The following RBFOX1 variants were observed in gnomAD, a reference collection of about 807,000 sequenced individuals.
RBFOX1 encodes RNA binding fox-1 homolog 1, also known as RNA binding protein fox-1 homolog 1.
Under a neutral mutation model 57.7 loss-of-function variants are expected in RBFOX1, and 8 were observed. The observed-to-expected ratio is 0.14, with a 90% CI of 0.08 to 0.25. The LOEUF (loss-of-function observed/expected upper bound fraction) is 0.25, where lower values mean the gene tolerates loss of function less well. Among genes scored for constraint, RBFOX1 ranks in the 10% least tolerant of loss-of-function variants. RBFOX1 has a pLI of 1.00. For synonymous variants in RBFOX1, 326 were observed against 222.4 expected (o/e 1.47, Z -4.15); for missense variants, 611 against 548.5 (o/e 1.11, Z -1.14).
chr16:7,439,105 G>T (rs1373260809), intron 4 of RBFOX1, among the ~76,000 whole-genome samples: 1 of 152,188 alleles, frequency 6.6e-6, no homozygotes, highest in Non-Finnish European at 1.5e-5. Flanking sequence ...GAGGAGCATG[G>T]TCCTCGCGCT....
chr16:7,282,952 G>T (rs2095576360), intron 4 of RBFOX1, among the ~76,000 whole-genome samples: 1 of 152,164 alleles, frequency 6.6e-6, no homozygotes, highest in Non-Finnish European at 1.5e-5. Flanking sequence ...ATGTGTGTGT[G>T]TTTGTGTATC....
intron 4 of RBFOX1, among the ~76,000 whole-genome samples, chr16:7,233,214 C>G (rs867659524): frequency 4.2e-5 from 6 of 144,538 alleles, no homozygotes; most frequent in South Asian, 4.4e-4. Flanking sequence ...TAAACTCATC[C>G]TTTTTTTTTT....
intron 4 of RBFOX1, among the ~76,000 whole-genome samples, chr16:7,478,616 C>G (rs2063222471): frequency 6.6e-6 from 1 of 152,130 alleles, no homozygotes; most frequent in African/African-American, 2.4e-5. Context: ...GGATTGGTCA[C>G]CATTATAAAT....
chr16:6,457,438 T>TTCCCCCCCCCCC (rs757540836), intron 2 of RBFOX1, among the ~76,000 whole-genome samples: 4 of 54,222 alleles, frequency 7.4e-5, no homozygotes, highest in Non-Finnish European at 1.5e-4. Flanking sequence ...TTTCCGGAAG[T>TTCCCCCCCCCCC]CCCCCCCCCC....
At chr16:6,174,966 C>T (rs1371059320) in intron 1 of RBFOX1, among the ~76,000 whole-genome samples, 3 of 152,190 alleles carry the variant, frequency 2.0e-5, no homozygotes, top group African/African-American at 7.2e-5. Flanking sequence ...TGCTCACTAG[C>T]TGTGTGACCT....
intron 1 of RBFOX1, among the ~76,000 whole-genome samples, chr16:6,193,121 A>G (rs146315818): frequency 9.9e-5 from 15 of 151,850 alleles, no homozygotes; most frequent in Non-Finnish European, 2.1e-4. Flanking sequence ...AGTGATTTCA[A>G]TGCAAATGAA....
chr16:7,053,217 A>T (rs17644591), intron 4 of RBFOX1, among the ~76,000 whole-genome samples: 1 of 152,028 alleles, frequency 6.6e-6, no homozygotes, highest in Admixed American at 6.5e-5. Context: ...GGTGCATGAA[A>T]CCGAGAAAGT....
At chr16:7,514,370 C>G (rs1038309162) in intron 4 of RBFOX1, among the ~76,000 whole-genome samples, 1 of 152,304 alleles carries the variant, frequency 6.6e-6, no homozygotes, top group African/African-American at 2.4e-5. Context: ...GGTCATTTTT[C>G]CAGCACATAT....
At chr16:5,580,253 C>T (rs754718494) in intron 2 of RBFOX1, among the ~76,000 whole-genome samples, 1 of 152,226 alleles carries the variant, frequency 6.6e-6, no homozygotes, top group African/African-American at 2.4e-5. Flanking sequence ...TGAGGGCAGC[C>T]TGGCTCTTCT....
At chr16:5,934,332 A>G (rs1006009568) in intron 4 of RBFOX1, among the ~76,000 whole-genome samples, 2 of 152,210 alleles carry the variant, frequency 1.3e-5, no homozygotes, top group Admixed American at 6.5e-5. Flanking sequence ...CATTGTGTTT[A>G]TTATATCTAT....
At chr16:6,986,768 C>T (rs966197211) in intron 3 of RBFOX1, among the ~76,000 whole-genome samples, 3 of 152,212 alleles carry the variant, frequency 2.0e-5, no homozygotes, top group Non-Finnish European at 4.4e-5. Flanking sequence ...ATGCCAGTTG[C>T]CTCCTCCACT....
rs1021511650 is a variant in RBFOX1 at position 7,712,098 on chromosome 16, G to C, written c.*1353G>C. On this transcript the variant is annotated 3_prime_UTR_variant, in exon 16 of 16. Coordinates refer to ENST00000550418, the MANE Select transcript of RBFOX1 (RefSeq NM_018723.4). ...AGTCTCCCCACCTTTCTCGGATGCA[G>C]GGCCAGAGTGACACAGCCGAAAAAT... 6 of 152,630 alleles carry C rather than the reference G, an allele frequency of 3.9e-5. No individual in the cohort carries two copies. Among genetic ancestry groups the C allele is most frequent in the African/African-American group, 1.4e-4 (6 of 41,464 alleles). 9.5% of individuals were successfully genotyped at this position (152,630 alleles called of 1,614,324 possible).
At chr16:6,610,791 C>T (rs979119500) in intron 2 of RBFOX1, among the ~76,000 whole-genome samples, 1 of 152,200 alleles carries the variant, frequency 6.6e-6, no homozygotes, top group African/African-American at 2.4e-5. Context: ...ACTTTCACAT[C>T]CCCTGCTTTG....
chr16:7,066,675 G>A (rs1393751711), intron 4 of RBFOX1, among the ~76,000 whole-genome samples: 1 of 152,174 alleles, frequency 6.6e-6, no homozygotes, highest in Non-Finnish European at 1.5e-5. Context: ...AAATCTATGT[G>A]TTCTAATTTA....
chr16:7,186,869 C>G (rs1198464466), intron 4 of RBFOX1, among the ~76,000 whole-genome samples: 1 of 151,114 alleles, frequency 6.6e-6, no homozygotes, highest in Non-Finnish European at 1.5e-5. Context: ...TAAAATATAG[C>G]TCTCTAGGCC....
intron 3 of RBFOX1, among the ~76,000 whole-genome samples, chr16:6,810,799 G>A (rs890935075): frequency 7.2e-5 from 11 of 152,122 alleles, no homozygotes; most frequent in Non-Finnish European, 1.5e-5. Flanking sequence ...GATCTCGCCA[G>A]AAGTCACTCA....
At chr16:7,450,555 C>T (rs921843125) in intron 4 of RBFOX1, among the ~76,000 whole-genome samples, 1 of 152,078 alleles carries the variant, frequency 6.6e-6, no homozygotes, top group African/African-American at 2.4e-5. Flanking sequence ...TACTATGGCC[C>T]AGGGATGCTG....
At chr16:6,660,820 T>C (rs1195621880) in intron 3 of RBFOX1, among the ~76,000 whole-genome samples, 2 of 152,172 alleles carry the variant, frequency 1.3e-5, no homozygotes, top group Non-Finnish European at 2.9e-5. Flanking sequence ...ATAATTACAT[T>C]TATTTTATCA....
intron 3 of RBFOX1, among the ~76,000 whole-genome samples, chr16:6,855,070 G>T (rs1439896891): frequency 6.6e-6 from 1 of 152,010 alleles, no homozygotes; most frequent in Non-Finnish European, 1.5e-5. Flanking sequence ...TGAGAGGAGA[G>T]AGTGATGATC....
Sources: allele counts gnomAD v4.1 joint callset (sites outside exome capture counted in the v4.1 genomes callset), GRCh38; gene constraint gnomAD v4.1.1; transcripts MANE v1.5; gene names NCBI Gene and HGNC (gene_info 2026-07-23, HGNC 2026-07-21).